RBFOX1: variants seen among roughly 807,000 people sequenced by gnomAD.
RBFOX1 encodes RNA binding protein fox-1 homolog 1.
A neutral mutation model predicts 57.7 loss-of-function variants in RBFOX1; 8 were observed. That is an observed-to-expected ratio of 0.14 (90% CI 0.08 to 0.25). RBFOX1 has a LOEUF of 0.25. RBFOX1 is among the 10% of genes least tolerant of loss of function. The probability of loss-of-function intolerance (pLI) is 1.00; values close to 1 mark genes in which losing one functional copy is unlikely to be tolerated. For synonymous variants in RBFOX1, 326 were observed against 222.4 expected (o/e 1.47, Z -4.15); for missense variants, 611 against 548.5 (o/e 1.11, Z -1.14).
intron 4 of RBFOX1, among the ~76,000 whole-genome samples, chr16:7,462,999 C>G (rs994205296): frequency 6.6e-6 from 1 of 152,136 alleles, no homozygotes; most frequent in East Asian, 1.9e-4. Context: ...TTGTCTTAGC[C>G]TGCTTGGGCT....
chr16:5,301,304 T>G (rs1021742075), intron 1 of RBFOX1, among the ~76,000 whole-genome samples: 4 of 152,138 alleles, frequency 2.6e-5, no homozygotes, highest in African/African-American at 9.7e-5. Flanking sequence ...TGCACGTGTT[T>G]ACAGACTTCC....
chr16:7,091,050 C>G (rs781084904), intron 4 of RBFOX1, among the ~76,000 whole-genome samples: 3 of 152,210 alleles, frequency 2.0e-5, no homozygotes, highest in Non-Finnish European at 2.9e-5. Context: ...TCCTCTGCCA[C>G]TCAAGTCTTG....
At chr16:6,927,212 C>T (rs574896260) in intron 3 of RBFOX1, among the ~76,000 whole-genome samples, 88 of 151,604 alleles carry the variant, frequency 5.8e-4, no homozygotes, top group African/African-American at 2.1e-3. Flanking sequence ...TTTAACGAAA[C>T]CCTAGGTCCT....
intron 1 of RBFOX1, among the ~76,000 whole-genome samples, chr16:5,380,348 C>T (rs1021439741): frequency 2.6e-5 from 4 of 152,108 alleles, no homozygotes; most frequent in South Asian, 2.1e-4. Flanking sequence ...ACGTACAGAG[C>T]GGTTAGAACA....
At chr16:5,896,164 T>G (rs997170441) in intron 4 of RBFOX1, among the ~76,000 whole-genome samples, 2 of 152,124 alleles carry the variant, frequency 1.3e-5, no homozygotes, top group Non-Finnish European at 2.9e-5. Context: ...GGAAAGGCTG[T>G]GGAGCATGAA....
At chr16:6,823,339 C>A (rs1019336957) in intron 3 of RBFOX1, among the ~76,000 whole-genome samples, 1 of 152,026 alleles carries the variant, frequency 6.6e-6, no homozygotes, top group African/African-American at 2.4e-5. Flanking sequence ...TCACTGCAAC[C>A]TCCACCTCTT....
chr16:6,753,487 G>T (rs548955165), intron 3 of RBFOX1, among the ~76,000 whole-genome samples: 9 of 152,232 alleles, frequency 5.9e-5, no homozygotes, highest in Non-Finnish European at 8.8e-5. Flanking sequence ...CTATAACCCA[G>T]TGTCCCCCTT....
At chr16:7,154,431 C>G (rs1025525638) in intron 4 of RBFOX1, among the ~76,000 whole-genome samples, 1 of 152,192 alleles carries the variant, frequency 6.6e-6, no homozygotes, top group Admixed American at 6.6e-5. Context: ...GGTCCCATCA[C>G]AGAAGGACAA....
At chr16:5,789,793 A>G (rs910523349) in intron 3 of RBFOX1, among the ~76,000 whole-genome samples, 1 of 152,180 alleles carries the variant, frequency 6.6e-6, no homozygotes, top group African/African-American at 2.4e-5. Flanking sequence ...TCTGATCTCA[A>G]GATGTCTCCT....
intron 2 of RBFOX1, among the ~76,000 whole-genome samples, chr16:6,508,493 G>A (rs1392487835): frequency 6.6e-6 from 1 of 152,110 alleles, no homozygotes; most frequent in African/African-American, 2.4e-5. Flanking sequence ...ACATAATTCA[G>A]CTAATCCCTT....
chr16:7,690,037 A>C (rs191558914), intron 14 of RBFOX1, among the ~76,000 whole-genome samples: 16 of 152,046 alleles, frequency 1.1e-4, no homozygotes, highest in Non-Finnish European at 1.9e-4. Flanking sequence ...CAGTGATTCA[A>C]CTCCCTTGAA....
At chr16:7,124,637 A>G (rs1478922072) in intron 4 of RBFOX1, among the ~76,000 whole-genome samples, 3 of 150,308 alleles carry the variant, frequency 2.0e-5, no homozygotes, top group East Asian at 2.0e-4. Flanking sequence ...GCAACACATG[A>G]TAGCCCTCAT....
At chr16:6,694,256 T>C (rs1199132526) in intron 3 of RBFOX1, among the ~76,000 whole-genome samples, 1 of 152,168 alleles carries the variant, frequency 6.6e-6, no homozygotes, top group African/African-American at 2.4e-5. Context: ...TTTTGTTAAA[T>C]TAGAGAGGAG....
chr16:7,697,361 C>A (rs1225301737), intron 14 of RBFOX1, among the ~76,000 whole-genome samples: 8 of 152,168 alleles, frequency 5.3e-5, no homozygotes, highest in Admixed American at 3.3e-4. Context: ...TCAGTTAATT[C>A]CATGGAGCAC....
At chr16:7,599,502 C>G (rs1018441824) in intron 9 of RBFOX1, among the ~76,000 whole-genome samples, 2 of 152,118 alleles carry the variant, frequency 1.3e-5, no homozygotes, top group African/African-American at 4.8e-5. Flanking sequence ...ACTAGCCTTT[C>G]TGGAATATGA....
At chr16:7,304,913 GTGGTGTGT>G (rs1475248345) in intron 4 of RBFOX1, among the ~76,000 whole-genome samples, 3 of 108,720 alleles carry the variant, frequency 2.8e-5, no homozygotes, top group African/African-American at 7.4e-5. Flanking sequence ...GGTGTGTGGT[GTGGTGTGT>G]GTGTGTGTGT....
In RBFOX1 at chr16:7,387,698, G is replaced by A. The variant is rs894778460; in HGVS notation, c.28-130449G>A. 2.0e-5 allele frequency among the ~76,000 whole-genome samples: 3 copies of A among 152,182 alleles called. No individual in the cohort carries two copies. The East Asian group carries it at 5.8e-4, about 29-fold the overall frequency. On this transcript the variant is annotated intron_variant, in intron 4 of 15. Transcript: ENST00000550418. ...GGGTGCCATTAGGAGTGGTGTCGGT[G>A]GCAGCTGTGGGCCATCATGGTACAC...
At chr16:6,600,674 G>A (rs975482946) in intron 2 of RBFOX1, among the ~76,000 whole-genome samples, 1 of 152,178 alleles carries the variant, frequency 6.6e-6, no homozygotes, top group African/African-American at 2.4e-5. Context: ...ATCTTGGCCT[G>A]ATAGAATTAC....
chr16:6,521,255 G>A (rs1018573433), intron 2 of RBFOX1, among the ~76,000 whole-genome samples: 4 of 152,090 alleles, frequency 2.6e-5, no homozygotes, highest in Non-Finnish European at 4.4e-5. Flanking sequence ...GTTGCTCATT[G>A]GTCAAGGAAA....
Sources: allele counts gnomAD v4.1 joint callset (sites outside exome capture counted in the v4.1 genomes callset), GRCh38; gene constraint gnomAD v4.1.1; transcripts MANE v1.5; gene names NCBI Gene and HGNC (gene_info 2026-07-23, HGNC 2026-07-21).